Variants in UNC79 observed in about 807,000 individuals in gnomAD.
The protein encoded by UNC79 is unc-79 subunit of NALCN channel complex, also known as protein unc-79 homolog.
UNC79 carries 37 observed loss-of-function variants against 283.1 expected under a neutral mutation model. The ratio of observed to expected loss-of-function variants is 0.13; its 90% CI spans 0.10 to 0.17. The LOEUF (loss-of-function observed/expected upper bound fraction) is 0.17, where lower values mean the gene tolerates loss of function less well. UNC79 is among the 10% of genes least tolerant of loss of function. The pLI, the probability that UNC79 is intolerant of heterozygous loss-of-function variation, is 1.00. For missense variants in UNC79, 2,272 were observed against 3,211.1 expected, an observed-to-expected ratio of 0.71 and a Z score of 7.07; for synonymous variants, 1,107 against 1,200.2, an observed-to-expected ratio of 0.92 and a Z score of 1.61.
At chr14:93,468,170 A>G (rs1428618623) in intron 2 of UNC79, among the ~76,000 whole-genome samples, 2 of 152,216 alleles carry the variant, frequency 1.3e-5, no homozygotes, top group Non-Finnish European at 2.9e-5. Flanking sequence ...TTTTAGGTTC[A>G]TCATTAGCAT....
Position 93,621,645 on chromosome 14 carries a change from G to A in UNC79, c.4412G>A (p.Arg1471Lys). The change falls in exon 30 of 49, where the codon AGA (arginine) becomes AAA (lysine). Residue 1471 changes from arginine to lysine, a missense_variant. Physicochemically the swap from Arg to Lys is conservative, Grantham distance 26 (BLOSUM62 2). This residue lies in a region of UNC79 where 580 missense variants were observed against 632.2 expected (regional missense o/e 0.92). Coordinates refer to ENST00000555664, the Ensembl canonical transcript of UNC79. This position sits in a 1 kb window ranked among gnomAD's most constrained non-coding sequence, Gnocchi z 4.8. ...GGTGAAATAGAACTGGCTGAATATA[G>A]AGAGACGGGTGCATTACAAGACAGC... The A allele has an allele frequency of 1.3e-6, 2 of 1,582,854 alleles. No individual in the cohort carries two copies. Among genetic ancestry groups the A allele is most frequent in the Non-Finnish European group, 1.7e-6 (2 of 1,166,700 alleles).
intron 14 of UNC79, among the ~76,000 whole-genome samples, chr14:93,566,716 C>A (rs1290296024): frequency 1.3e-5 from 2 of 149,948 alleles, no homozygotes; most frequent in Admixed American, 6.7e-5. Flanking sequence ...CGGCTCACTG[C>A]AACCTCTGCC....
intron 1 of UNC79, chr14:93,348,077 C>T (rs1185659530): frequency 6.2e-7 from 1 of 1,612,806 alleles, no homozygotes; most frequent in Non-Finnish European, 8.5e-7. Flanking sequence ...TTAACACCAG[C>T]TGCATATGTG....
chr14:93,584,206 A>C (rs957537111), intron 20 of UNC79, among the ~76,000 whole-genome samples: 3 of 152,226 alleles, frequency 2.0e-5, no homozygotes, highest in African/African-American at 7.2e-5. Flanking sequence ...GCAGATGAGG[A>C]AAATAAATCC....
chr14:93,435,262 G>T (rs1038216497), intron 1 of UNC79, among the ~76,000 whole-genome samples: 1 of 152,170 alleles, frequency 6.6e-6, no homozygotes, highest in Non-Finnish European at 1.5e-5. Context: ...GTTGCAAAAA[G>T]AAGAATAGCT....
At chr14:93,521,487 C>T (rs867767166) in intron 7 of UNC79, among the ~76,000 whole-genome samples, 15 of 151,996 alleles carry the variant, frequency 9.9e-5, no homozygotes, top group Middle Eastern at 3.4e-3. Context: ...CAACTAAAAA[C>T]AAGACCATAC....
At chr14:93,489,894 G>C (rs2058641052) in intron 5 of UNC79, among the ~76,000 whole-genome samples, 1 of 152,184 alleles carries the variant, frequency 6.6e-6, no homozygotes, top group South Asian at 2.1e-4. Flanking sequence ...CTGGGGTCCG[G>C]TGCCCATGAC....
chr14:93,588,473 GCTCATA>G (rs2064373961), intron 22 of UNC79, among the ~76,000 whole-genome samples: 1 of 152,122 alleles, frequency 6.6e-6, no homozygotes, highest in Non-Finnish European at 1.5e-5. Context: ...AGGTGCGATG[GCTCATA>G]CCTGTAATCC....
rs749657359 is a variant in UNC79 at position 93,622,850 on chromosome 14, G to T, written c.5608+9G>T. 3 of 1,607,600 alleles carry T rather than the reference G, an allele frequency of 1.9e-6. No individual in the cohort carries two copies. The highest frequency in any genetic ancestry group is 1.7e-6 in the Non-Finnish European group (2 of 1,176,302). On this transcript the variant is annotated intron_variant, in intron 30 of 48. Coordinates refer to ENST00000555664, the Ensembl canonical transcript of UNC79. ...AGAACAGAAAGATCCAGGTAAGCTC[G>T]CCTCTCTTCTTTCTCTCAGCCTTAA...
rs144597962 is a variant in UNC79 at position 93,667,526 on chromosome 14, T to G, written c.6636+4812T>G. 2.8e-4 allele frequency among the ~76,000 whole-genome samples: 43 copies of G among 152,240 alleles called. No individual in the cohort carries two copies. The East Asian group carries it at 7.1e-3, about 25-fold the overall frequency. ...AAGAAAAAGAAGTAACTGACTAGAC[T>G]TAGGTGCCTGGAAAATGGAATCAAT... On this transcript the variant is annotated intron_variant, in intron 40 of 48. Coordinates refer to ENST00000555664, the Ensembl canonical transcript of UNC79.
chr14:93,425,418 T>C (rs576469973), upstream of UNC79, among the ~76,000 whole-genome samples: 80 of 152,284 alleles, frequency 5.3e-4, no homozygotes, highest in African/African-American at 1.9e-3. Flanking sequence ...GGCAAAATGG[T>C]CAAATATAGC....
chr14:93,619,373 G>C (rs1471441969), intron 29 of UNC79, among the ~76,000 whole-genome samples: 1 of 152,142 alleles, frequency 6.6e-6, no homozygotes, highest in Non-Finnish European at 1.5e-5. Flanking sequence ...GATGGGAGGC[G>C]CCATCTTGTG....
At position 93,404,493 on chromosome 14, in the gene UNC79, A is replaced by AAAAT; in HGVS notation, c.-350-63177_-350-63176insAATA. ...TGACAGAGTGAGACCTTCTAAAAAA[A>AAAAT]ATATATATATATATATATATAAATA... On this transcript the variant is annotated intron_variant, in intron 1 of 49. Coordinates refer to the UNC79 transcript ENST00000256339. 6.0e-3 allele frequency among the ~76,000 whole-genome samples: 367 copies of AAAAT among 61,504 alleles called. 15 individuals carry two copies. The highest frequency in any genetic ancestry group is 0.021 in the African/African-American group (317 of 15,008). The allele number at this position is 61,504 out of a possible 152,430, so 40.3% of individuals were successfully genotyped here.
At chr14:93,464,240 T>C (rs1566953439) in intron 1 of UNC79, among the ~76,000 whole-genome samples, 1 of 152,222 alleles carries the variant, frequency 6.6e-6, no homozygotes. Context: ...ACTGGGTGGC[T>C]AAAACAACAG....
intron 1 of UNC79, among the ~76,000 whole-genome samples, chr14:93,341,321 G>A (rs1056108360): frequency 1.3e-5 from 2 of 152,036 alleles, no homozygotes; most frequent in Non-Finnish European, 2.9e-5. Context: ...GCCAGGCGTG[G>A]TGGTACATGG....
intron 1 of UNC79, among the ~76,000 whole-genome samples, chr14:93,341,578 A>G (rs1340317289): frequency 1.3e-5 from 2 of 150,518 alleles, no homozygotes; most frequent in Non-Finnish European, 3.0e-5. Flanking sequence ...CATCAGCCTA[A>G]GCAAAATTGT....
At chr14:93,653,769 G>A (rs747141939) in exon 36 of UNC79, 1 of 1,613,108 alleles carries the variant, frequency 6.2e-7, no homozygotes, top group South Asian at 1.1e-5. Context: ...ATGCGGCGGG[G>A]GTGGCCAAGC....
intron 35 of UNC79, among the ~76,000 whole-genome samples, chr14:93,647,950 C>T (rs141313188): frequency 0.023 from 3,477 of 152,236 alleles, 64 homozygotes; most frequent in South Asian, 0.083. Flanking sequence ...CATCAGATCT[C>T]GTGAGACTTA....
chr14:93,552,878 A>G (rs951751650), intron 14 of UNC79, among the ~76,000 whole-genome samples: 1 of 152,214 alleles, frequency 6.6e-6, no homozygotes, highest in Non-Finnish European at 1.5e-5. Flanking sequence ...CCTGTTAGAA[A>G]GTGACAGTCT....
Sources: gnomAD v4.1 joint callset for allele counts (sites outside exome capture counted in the v4.1 genomes callset) on GRCh38, gnomAD v4.1.1 for gene constraint, gnomAD v4.1.1 regional missense constraint, Gnocchi (gnomAD v3.1) non-coding constraint, MANE v1.5 for transcripts, NCBI Gene and HGNC (gene_info 2026-07-23, HGNC 2026-07-21) for gene names.